Variants in SPMIP7 observed in about 807,000 individuals in gnomAD.
SPMIP7 encodes sperm microtubule inner protein 7.
chr7:50,141,645 C>T, the SPMIP7 span: 4 of 374,892 alleles, frequency 1.1e-5, no homozygotes, highest in Non-Finnish European at 2.0e-5. Flanking sequence ...AAAAAAATGC[C>T]ACCAAGCAAG....
chr7:50,131,305 A>G, the SPMIP7 span, among the ~76,000 whole-genome samples: 1 of 152,214 alleles, frequency 6.6e-6, no homozygotes, highest in Non-Finnish European at 1.5e-5. Flanking sequence ...GCTTTGGCCT[A>G]TGCAGCTGGA....
chr7:50,127,092 A>G, the SPMIP7 span, among the ~76,000 whole-genome samples: 4 of 152,090 alleles, frequency 2.6e-5, no homozygotes, highest in African/African-American at 9.7e-5. Context: ...GGGAGCCCAC[A>G]TATAAATCCA....
the SPMIP7 span, among the ~76,000 whole-genome samples, chr7:50,108,478 T>C: frequency 6.6e-6 from 1 of 152,180 alleles, no homozygotes; most frequent in Non-Finnish European, 1.5e-5. Flanking sequence ...TGCCATACTA[T>C]CATGATATAG....
At chr7:50,156,683 C>G in the SPMIP7 span, among the ~76,000 whole-genome samples, 1 of 151,848 alleles carries the variant, frequency 6.6e-6, no homozygotes, top group Non-Finnish European at 1.5e-5. Flanking sequence ...CCTTTTCCCC[C>G]AGGAAGACAC....
the SPMIP7 span, among the ~76,000 whole-genome samples, chr7:50,147,494 C>T: frequency 1.3e-5 from 2 of 152,194 alleles, no homozygotes; most frequent in Non-Finnish European, 2.9e-5. Context: ...TTACATCAAG[C>T]ATTTAAAAGG....
chr7:50,098,733 A>G, the SPMIP7 span, among the ~76,000 whole-genome samples: 1 of 152,098 alleles, frequency 6.6e-6, no homozygotes, highest in African/African-American at 2.4e-5. Context: ...CACTAATGCC[A>G]TCATGGAGGT....
chr7:50,104,019 T>C, the SPMIP7 span, among the ~76,000 whole-genome samples: 126,197 of 152,160 alleles, frequency 0.83, 52,374 homozygotes, highest in East Asian at 0.88. Context: ...TCTTGTGTCA[T>C]CACCATCCCC....
chr7:50,144,746 T>C, the SPMIP7 span, among the ~76,000 whole-genome samples: 1 of 152,128 alleles, frequency 6.6e-6, no homozygotes, highest in Non-Finnish European at 1.5e-5. Context: ...TTATTATAAC[T>C]TGAGACTAGT....
the SPMIP7 span, among the ~76,000 whole-genome samples, chr7:50,106,812 C>G: frequency 6.6e-6 from 1 of 152,146 alleles, no homozygotes; most frequent in Non-Finnish European, 1.5e-5. Flanking sequence ...AATTAGAAGA[C>G]TGGGGAAGGG....
chr7:50,116,346 C>T, the SPMIP7 span, among the ~76,000 whole-genome samples: 1 of 152,200 alleles, frequency 6.6e-6, no homozygotes, highest in Non-Finnish European at 1.5e-5. Flanking sequence ...AACTCCTGAG[C>T]TTAGGCAGTC....
At chr7:50,145,874 C>T in the SPMIP7 span, among the ~76,000 whole-genome samples, 1 of 151,346 alleles carries the variant, frequency 6.6e-6, no homozygotes, top group Non-Finnish European at 1.5e-5. Flanking sequence ...CCATCCTCCA[C>T]TAAGTTATAA....
chr7:50,141,369 CT>C, the SPMIP7 span: 1 of 1,550,130 alleles, frequency 6.5e-7, no homozygotes, highest in Non-Finnish European at 8.7e-7. Flanking sequence ...CTCTAAGCCT[CT>C]TTATACAAAC....
chr7:50,145,938 A>G, the SPMIP7 span, among the ~76,000 whole-genome samples: 1 of 151,878 alleles, frequency 6.6e-6, no homozygotes, highest in African/African-American at 2.4e-5. Context: ...TTTTGACCTC[A>G]ATGATTGCTC....
chr7:50,144,000 ACT>A, the SPMIP7 span, among the ~76,000 whole-genome samples: 44 of 152,104 alleles, frequency 2.9e-4, no homozygotes, highest in Non-Finnish European at 1.0e-4. Context: ...TCTTTATATG[ACT>A]CTTTCTTGAT....
At chr7:50,108,128 G>A in the SPMIP7 span, among the ~76,000 whole-genome samples, 1 of 152,122 alleles carries the variant, frequency 6.6e-6, no homozygotes, top group Admixed American at 6.5e-5. Context: ...AGAAACTAAG[G>A]AACATTTAGA....
chr7:50,118,180 T>C, the SPMIP7 span, among the ~76,000 whole-genome samples: 1 of 152,190 alleles, frequency 6.6e-6, no homozygotes, highest in Non-Finnish European at 1.5e-5. Flanking sequence ...TCCGAATGCC[T>C]GTAAATTCAG....
At chr7:50,116,376 T>A in the SPMIP7 span, among the ~76,000 whole-genome samples, 1 of 152,200 alleles carries the variant, frequency 6.6e-6, no homozygotes, top group African/African-American at 2.4e-5. Context: ...CTCCAGCCTA[T>A]ACAGTTAAAC....
chr7:50,131,961 A>C, the SPMIP7 span, among the ~76,000 whole-genome samples: 2 of 152,156 alleles, frequency 1.3e-5, no homozygotes, highest in Non-Finnish European at 2.9e-5. Context: ...TATTTTGAAC[A>C]CTTCAGACAG....
At chr7:50,098,477 T>C in the SPMIP7 span, among the ~76,000 whole-genome samples, 1 of 152,194 alleles carries the variant, frequency 6.6e-6, no homozygotes, top group African/African-American at 2.4e-5. Context: ...TACCACTTTG[T>C]ATGTCTTTCT....
Sources: gnomAD v4.1 joint callset for allele counts (sites outside exome capture counted in the v4.1 genomes callset) on GRCh38, gnomAD v4.1.1 for gene constraint, MANE v1.5 for transcripts, NCBI Gene and HGNC (gene_info 2026-07-23, HGNC 2026-07-21) for gene names.